Variants in UTRN observed in about 807,000 individuals in gnomAD.
The protein encoded by UTRN is utrophin, also known as dystrophin-related protein 1.
UTRN carries 283 observed loss-of-function variants against 463.9 expected under a neutral mutation model. That is an observed-to-expected ratio of 0.61 (90% CI 0.55 to 0.67). UTRN has a LOEUF of 0.67. Ranked by LOEUF, UTRN falls within the 30% of genes least tolerant of loss-of-function variation. The pLI, the probability that UTRN is intolerant of heterozygous loss-of-function variation, is 0.00. For synonymous variants in UTRN, 1,442 were observed against 1,431.5 expected (o/e 1.01, Z -0.17); for missense variants, 3,922 against 4,084.3 (o/e 0.96, Z 1.08).
At chr6:144,755,672 A>G (rs1791914819) in intron 57 of UTRN, among the ~76,000 whole-genome samples, 1 of 152,138 alleles carries the variant, frequency 6.6e-6, no homozygotes, top group South Asian at 2.1e-4. Flanking sequence ...CCTTTAGCAA[A>G]TATATGTAAG....
chr6:144,544,614 C>G lies in UTRN; in HGVS notation c.6595+1744C>G, dbSNP rs572204917. 5.3e-5 allele frequency among the ~76,000 whole-genome samples: 8 copies of G among 152,212 alleles called. No homozygotes were observed. The East Asian group carries it at 1.5e-3, about 29-fold the overall frequency. ...TGACTATTCATTTCAAATAAGCACT[C>G]AGCGCTAAGAGACAGTCCTACCGTA... On this transcript the variant is annotated intron_variant, in intron 46 of 74. Coordinates refer to ENST00000367545, the MANE Select transcript of UTRN (RefSeq NM_007124.3).
chr6:144,682,871 T>C (rs1185241611), intron 52 of UTRN, among the ~76,000 whole-genome samples: 2 of 152,196 alleles, frequency 1.3e-5, no homozygotes, highest in Non-Finnish European at 2.9e-5. Context: ...TGTTCAGTAA[T>C]TGTTAGCTAT....
At position 144,540,500 on chromosome 6, in the gene UTRN, T is replaced by A. The variant is rs768791549; in HGVS notation, c.6519+1057T>A. Among the ~76,000 whole-genome samples, 39 of 152,310 alleles carry A rather than the reference T, an allele frequency of 2.6e-4. No individual in the cohort carries two copies. In the Middle Eastern group the frequency reaches 0.02, roughly 80 times the overall value. ...AGTCACTGTGATTCACACATGTGTATCTCTGGTCTGGACCTTTCTCCATAC... is the reference window on the plus strand; with the variant it reads ...AGTCACTGTGATTCACACATGTGTAACTCTGGTCTGGACCTTTCTCCATAC... On this transcript the variant is annotated intron_variant, in intron 45 of 74. Transcript: ENST00000367545.
At chr6:144,322,203 T>A (rs1007506463) in intron 2 of UTRN, among the ~76,000 whole-genome samples, 2 of 152,232 alleles carry the variant, frequency 1.3e-5, no homozygotes, top group African/African-American at 4.8e-5. Context: ...TTTTTTCACA[T>A]GGAAACTGGT....
intron 23 of UTRN, among the ~76,000 whole-genome samples, chr6:144,471,991 C>G (rs1392183687): frequency 1.3e-5 from 2 of 152,200 alleles, no homozygotes; most frequent in Non-Finnish European, 2.9e-5. Context: ...CAAAACCACT[C>G]AGAGCTCCTC....
At chr6:144,589,665 T>G (rs1051722822) in intron 51 of UTRN, among the ~76,000 whole-genome samples, 2 of 152,184 alleles carry the variant, frequency 1.3e-5, no homozygotes, top group African/African-American at 4.8e-5. Flanking sequence ...CATATGCATT[T>G]CCTTGTCTAA....
At chr6:144,643,492 T>C (rs1423881588) in intron 51 of UTRN, among the ~76,000 whole-genome samples, 2 of 152,158 alleles carry the variant, frequency 1.3e-5, no homozygotes, top group Admixed American at 1.3e-4. Flanking sequence ...TAGTTTTGTT[T>C]TGTTAAAAAT....
At chr6:144,587,327 C>T (rs1802560394) in intron 51 of UTRN, among the ~76,000 whole-genome samples, 3 of 152,134 alleles carry the variant, frequency 2.0e-5, no homozygotes, top group Admixed American at 2.0e-4. Context: ...CAGAAGATTC[C>T]ACCTGGGAAG....
chr6:144,477,877 A>G (rs1791406489), intron 25 of UTRN, among the ~76,000 whole-genome samples: 1 of 147,516 alleles, frequency 6.8e-6, no homozygotes, highest in African/African-American at 2.6e-5. Flanking sequence ...ATCTCTATCT[A>G]TCTATCTATC....
In UTRN at chr6:144,852,157, C is replaced by T. The variant is rs1221286526; in HGVS notation, c.*1160C>T. 1.3e-5 allele frequency: 2 copies of T among 152,138 alleles called. No individual in the cohort carries two copies. Among genetic ancestry groups the T allele is most frequent in the Non-Finnish European group, 2.9e-5 (2 of 68,018 alleles). The allele number at this position is 152,138 out of a possible 1,614,324, so 9.4% of individuals were successfully genotyped here. ...AGATCAGATGTTTTTATACCCTTCACTTGATCAATATATTTGGAAAGAATG... is the reference window on the plus strand; with the variant it reads ...AGATCAGATGTTTTTATACCCTTCATTTGATCAATATATTTGGAAAGAATG... On this transcript the variant is annotated 3_prime_UTR_variant, in exon 75 of 75. Coordinates refer to ENST00000367545, the MANE Select transcript of UTRN (RefSeq NM_007124.3).
intron 19 of UTRN, among the ~76,000 whole-genome samples, chr6:144,455,156 G>A (rs1472174323): frequency 1.3e-5 from 2 of 152,056 alleles, no homozygotes; most frequent in African/African-American, 2.4e-5. Context: ...TGTATACCAT[G>A]TGGACAGTGT....
At chr6:144,475,638 C>T (rs1791113419) in intron 25 of UTRN, among the ~76,000 whole-genome samples, 1 of 151,958 alleles carries the variant, frequency 6.6e-6, no homozygotes, top group African/African-American at 2.4e-5. Flanking sequence ...TTTTTAGCAA[C>T]AGTATCTTGT....
intron 34 of UTRN, among the ~76,000 whole-genome samples, chr6:144,500,257 C>T (rs1214247461): frequency 1.3e-5 from 2 of 152,196 alleles, no homozygotes; most frequent in Non-Finnish European, 2.9e-5. Flanking sequence ...TCCTTTTTCT[C>T]TGCAACCTTG....
intron 2 of UTRN, among the ~76,000 whole-genome samples, chr6:144,317,640 A>G (rs1775368374): frequency 6.6e-6 from 1 of 151,982 alleles, no homozygotes; most frequent in African/African-American, 2.4e-5. Flanking sequence ...CAAGTGATCC[A>G]CCCACCTCGG....
chr6:144,594,337 C>T (rs1179383639), intron 51 of UTRN, among the ~76,000 whole-genome samples: 2 of 152,160 alleles, frequency 1.3e-5, no homozygotes, highest in African/African-American at 4.8e-5. Context: ...CAGGAGATTA[C>T]TGTAGTATCT....
At chr6:144,578,922 G>T (rs1801703567) in intron 51 of UTRN, among the ~76,000 whole-genome samples, 1 of 152,098 alleles carries the variant, frequency 6.6e-6, no homozygotes, top group Non-Finnish European at 1.5e-5. Flanking sequence ...GTCTTTCTTT[G>T]AACTACTCTG....
intron 3 of UTRN, among the ~76,000 whole-genome samples, chr6:144,407,103 G>T: frequency 6.6e-6 from 1 of 151,982 alleles, no homozygotes; most frequent in Non-Finnish European, 1.5e-5. Context: ...TACTCTCAAA[G>T]TGTTATGATT....
intron 3 of UTRN, among the ~76,000 whole-genome samples, chr6:144,414,482 T>A (rs961621222): frequency 1.3e-5 from 2 of 152,142 alleles, no homozygotes; most frequent in African/African-American, 4.8e-5. Flanking sequence ...ATTATAAAAG[T>A]CAAAAAATTA....
In UTRN at chr6:144,521,990, T is replaced by C. The variant is rs1796148601; in HGVS notation, c.5552T>C (p.Ile1851Thr). 1 of 1,562,762 alleles carries C rather than the reference T, an allele frequency of 6.4e-7. No individual in the cohort carries two copies. The change falls in exon 40 of 75, where the codon ATT (isoleucine) becomes ACT (threonine). Residue 1851 changes from isoleucine (I) to threonine (T), a missense_variant. By Grantham distance (89) the Ile-to-Thr change is moderately conservative. Transcript: ENST00000367545. ...TRYNKIKAIP[I>T]QQRKMGQLAS... ...TTGCTGTTTTTGTAGGCAATCCCTATTCAACAGAGGAAAATGGGTCAACTT... is the reference window on the plus strand; with the variant it reads ...TTGCTGTTTTTGTAGGCAATCCCTACTCAACAGAGGAAAATGGGTCAACTT...
Sources: allele counts gnomAD v4.1 joint callset (sites outside exome capture counted in the v4.1 genomes callset), GRCh38; gene constraint gnomAD v4.1.1; transcripts MANE v1.5; gene names NCBI Gene and HGNC (gene_info 2026-07-23, HGNC 2026-07-21).